Variants in BRCA1 observed in about 807,000 individuals in gnomAD.
BRCA1 encodes breast cancer type 1 susceptibility protein.
A neutral mutation model predicts 173.7 loss-of-function variants in BRCA1; 140 were observed. That is an observed-to-expected ratio of 0.81 (90% CI 0.70 to 0.93). BRCA1 has a LOEUF of 0.93. BRCA1 is among the 40% of genes least tolerant of loss of function. The pLI is 0.00. For synonymous variants in BRCA1, 662 were observed against 756.0 expected (o/e 0.88, Z 2.04); for missense variants, 1,983 against 2,172.5 (o/e 0.91, Z 1.73).
intron 1 of BRCA1, among the ~76,000 whole-genome samples, chr17:43,168,999 G>A (rs2056291913): frequency 6.6e-6 from 1 of 151,982 alleles, no homozygotes; most frequent in African/African-American, 2.4e-5. Flanking sequence ...ATCCCTGCCG[G>A]CAGCATCTGT....
chr17:43,081,950 G>A (rs2053018685), intron 12 of BRCA1, among the ~76,000 whole-genome samples: 2 of 152,288 alleles, frequency 1.3e-5, no homozygotes, highest in South Asian at 4.2e-4. Flanking sequence ...GCTTTCTGTG[G>A]ATCAAAGTGC....
rs779748579 is a variant in BRCA1 at position 43,093,465 on chromosome 17, C to T, written c.2066G>A (p.Ser689Asn). The T allele has an allele frequency of 6.2e-7, 1 of 1,614,018 alleles. No homozygotes were observed. The highest frequency in any genetic ancestry group is 1.1e-5 in the South Asian group (1 of 91,080). ...GAAAGTATCGCTGTCATGTCTTTTA[C>T]TTGTCTGTTCATTTGGCTTGTTACT... is the stretch of plus-strand genomic sequence containing the variant. ...KKSNKPNEQT[S>N]KRHDSDTFPE... The change falls in exon 10 of 23, where the codon AGT becomes AAT. Residue 689 changes from serine to asparagine, a missense_variant. Physicochemically the swap from Ser to Asn is conservative, Grantham distance 46 (BLOSUM62 1). Coordinates refer to ENST00000357654, the MANE Select transcript of BRCA1 (RefSeq NM_007294.4).
rs568366440 is a variant in BRCA1, at chr17:43,045,013, A to G, written c.*665T>C. The G allele has an allele frequency of 2.0e-6, 1 of 498,094 alleles. No individual in the cohort carries two copies. Among genetic ancestry groups the G allele is most frequent in the Non-Finnish European group, 3.9e-6 (1 of 253,434 alleles). 30.9% of individuals were successfully genotyped at this position (498,094 alleles called of 1,614,324 possible). ...GAGATGGGGTTTCACCATGTTGGCC[A>G]GGCTGGTTTCGAACTCCTGACCTCC... is the stretch of plus-strand genomic sequence containing the variant. On this transcript the variant is annotated 3_prime_UTR_variant, in exon 23 of 23. Transcript: ENST00000357654.
rs397509324 is a variant in BRCA1 at position 43,124,014 on chromosome 17, T to TA, written c.80+2dup. On this transcript the variant is annotated splice_region_variant and intron_variant, in intron 2 of 22. Transcript: ENST00000357654. ...AAATTAATACACTCTTGTGCTGACTTACCAGATGGGACACTCTAAGATTTT... is the reference window on the plus strand; with the variant it reads ...AAATTAATACACTCTTGTGCTGACTTAACCAGATGGGACACTCTAAGATTTT... 6.2e-7 allele frequency: 1 copy of TA among 1,608,706 alleles called. No homozygotes were observed. The highest frequency in any genetic ancestry group is 1.1e-5 in the South Asian group (1 of 90,960).
intron 1 of BRCA1, chr17:43,153,559 C>G (rs1027247970): frequency 3.9e-5 from 6 of 152,050 alleles, no homozygotes; most frequent in African/African-American, 1.4e-4. Context: ...AGATCTCCCC[C>G]ACCCCACCAA....
intron 1 of BRCA1, chr17:43,133,012 TC>T (rs1015771822): frequency 3.9e-5 from 6 of 152,094 alleles, no homozygotes; most frequent in African/African-American, 1.5e-4. Context: ...GACATCGTGA[TC>T]CGCTGTCCTC....
Position 43,045,084 on chromosome 17 carries a change from G to C in BRCA1, c.*594C>G, listed in dbSNP as rs766092076. ...CTCCCAAAGTGCTGGGATTACAGGC[G>C]TGAGCCACCATGCCCAGGTTTCAAG... On this transcript the variant is annotated 3_prime_UTR_variant, in exon 23 of 23. Transcript: ENST00000357654. 1.9e-6 allele frequency: 1 copy of C among 526,814 alleles called. No homozygotes were observed. Among genetic ancestry groups the C allele is most frequent in the East Asian group, 4.0e-5 (1 of 24,798 alleles). 32.6% of individuals were successfully genotyped at this position (526,814 alleles called of 1,614,324 possible).
intron 6 of BRCA1, 81 bp from the exon 7 acceptor site, chr17:43,099,961 G>A: frequency 9.1e-7 from 1 of 1,099,304 alleles, no homozygotes; most frequent in South Asian, 1.2e-5. Context: ...TTGACACCAT[G>A]GACAAAATAA....
rs189133089 is a variant in BRCA1, at chr17:43,106,759, A to T, written c.135-226T>A. On this transcript the variant is annotated intron_variant, in intron 3 of 22. Transcript: ENST00000357654. ...AATGATCTATGAAAACTGAACTTAC[A>T]TGCATATGGCTTACTGTTATGATCA... is the stretch of plus-strand genomic sequence containing the variant. 3.0e-3 allele frequency among the ~76,000 whole-genome samples: 453 copies of T among 152,354 alleles called. 10 individuals carry two copies. Among genetic ancestry groups the T allele is most frequent in the Non-Finnish European group, 1.2e-3 (84 of 68,032 alleles).
At chr17:43,067,837 T>C (rs201521493) in intron 15 of BRCA1, 142 bp from the exon 16 acceptor site, 1 of 138,480 alleles carries the variant, frequency 7.2e-6, no homozygotes, top group East Asian at 1.3e-4. Flanking sequence ...TTAAAGTGAA[T>C]TTTTTTTTTT....
intron 3 of BRCA1, chr17:43,110,642 C>T (rs2054994736): frequency 5.5e-6 from 2 of 366,940 alleles, no homozygotes; most frequent in Non-Finnish European, 5.5e-6. Context: ...TTATTGCTCA[C>T]ATTCTATCTC....
chr17:43,162,880 G>A (rs2056245504), intron 1 of BRCA1: 1 of 152,164 alleles, frequency 6.6e-6, no homozygotes, highest in Admixed American at 6.6e-5. Context: ...TGATGTTTAA[G>A]GATAGTCTCG....
intron 15 of BRCA1, among the ~76,000 whole-genome samples, chr17:43,068,393 G>A (rs181675079): frequency 2.7e-5 from 4 of 150,796 alleles, no homozygotes; most frequent in East Asian, 1.9e-4. Context: ...AACCTACTAC[G>A]TACCACAAAA....
At chr17:43,147,557 C>T (rs1449006782) in intron 1 of BRCA1, among the ~76,000 whole-genome samples, 1 of 152,132 alleles carries the variant, frequency 6.6e-6, no homozygotes, top group East Asian at 1.9e-4. Context: ...ATCCACCCGC[C>T]TCGGCCTCCC....
chr17:43,097,320 A>G (rs1390448549), intron 7 of BRCA1, 31 bp from the exon 8 acceptor site: 2 of 1,571,470 alleles, frequency 1.3e-6, no homozygotes, highest in Middle Eastern at 1.7e-4. Context: ...AAATAAATCA[A>G]TAAAAGTTTT....
chr17:43,079,788 T>TAAA (rs56914599), intron 12 of BRCA1: 12 of 714,024 alleles, frequency 1.7e-5, no homozygotes, highest in African/African-American at 1.4e-4. Flanking sequence ...TAATAGGTGT[T>TAAA]AAAAAAAAAA....
At chr17:43,133,549 C>T (rs965889105) in intron 1 of BRCA1, among the ~76,000 whole-genome samples, 2 of 152,074 alleles carry the variant, frequency 1.3e-5, no homozygotes, top group Non-Finnish European at 2.9e-5. Flanking sequence ...TGTTTTGAGC[C>T]CTTCCTGCGC....
chr17:43,134,493 G>GTCCATAAT (rs1177776110), intron 1 of BRCA1, among the ~76,000 whole-genome samples: 27 of 152,184 alleles, frequency 1.8e-4, no homozygotes, highest in African/African-American at 6.5e-4. Context: ...TGGGCTTGAT[G>GTCCATAAT]GAGGACAGGG....
At chr17:43,067,493 A>G in intron 16 of BRCA1, 115 bp downstream of exon 16, 1 of 785,256 alleles carries the variant, frequency 1.3e-6, no homozygotes, top group Non-Finnish European at 2.2e-6. Context: ...TAATCTCGTG[A>G]TCTGCCCGCC....
Sources: gnomAD v4.1 joint callset for allele counts (sites outside exome capture counted in the v4.1 genomes callset) on GRCh38, gnomAD v4.1.1 for gene constraint, MANE v1.5 for transcripts, NCBI Gene and HGNC (gene_info 2026-07-23, HGNC 2026-07-21) for gene names.